The following COL8A1 variants were observed in gnomAD, a reference collection of about 807,000 sequenced individuals.
COL8A1 encodes the protein collagen alpha-1(VIII) chain.
In COL8A1, 21 loss-of-function variants were observed where a neutral mutation model predicts 42.7. The observed-to-expected ratio is 0.49, with a 90% CI of 0.35 to 0.71. The LOEUF is 0.71. COL8A1 is among the 30% of genes least tolerant of loss of function. The probability of loss-of-function intolerance (pLI) is 0.01; values close to 1 mark genes in which losing one functional copy is unlikely to be tolerated. For synonymous variants in COL8A1, 367 were observed against 369.1 expected, an observed-to-expected ratio of 0.99 and a Z score of 0.06; for missense variants, 788 against 962.4, an observed-to-expected ratio of 0.82 and a Z score of 2.40.
chr3:99,654,622 T>C (rs1937953634), intron 1 of COL8A1, among the ~76,000 whole-genome samples: 1 of 152,032 alleles, frequency 6.6e-6, no homozygotes, highest in South Asian at 2.1e-4. Context: ...ACTCCATCTC[T>C]ACAAAATGTA....
intron 2 of COL8A1, among the ~76,000 whole-genome samples, chr3:99,770,672 C>T (rs1390245023): frequency 6.6e-6 from 1 of 152,166 alleles, no homozygotes; most frequent in African/African-American, 2.4e-5. Flanking sequence ...CAGAATCATA[C>T]TCAAAGGACA....
intron 2 of COL8A1, among the ~76,000 whole-genome samples, chr3:99,788,712 G>A (rs1352807892): frequency 6.6e-6 from 1 of 152,068 alleles, no homozygotes; most frequent in Non-Finnish European, 1.5e-5. Context: ...AACTAGACAA[G>A]GAATAAGTAC....
At chr3:99,726,190 T>A (rs1940319524) in intron 1 of COL8A1, among the ~76,000 whole-genome samples, 1 of 152,200 alleles carries the variant, frequency 6.6e-6, no homozygotes. Context: ...TTTTCATGTG[T>A]TTTTTGGCTG....
At chr3:99,777,189 T>G (rs2107443949) in intron 2 of COL8A1, among the ~76,000 whole-genome samples, 1 of 152,286 alleles carries the variant, frequency 6.6e-6, no homozygotes, top group Non-Finnish European at 1.5e-5. Context: ...GTTGCTCTGG[T>G]TTGAATGCCT....
chr3:99,762,035 G>T (rs1941375287), intron 2 of COL8A1, among the ~76,000 whole-genome samples: 1 of 152,044 alleles, frequency 6.6e-6, no homozygotes, highest in East Asian at 1.9e-4. Context: ...TTTTCTCTCT[G>T]CTTTCTTCTG....
At chr3:99,696,198 T>C (rs981423864) in intron 1 of COL8A1, among the ~76,000 whole-genome samples, 1 of 152,218 alleles carries the variant, frequency 6.6e-6, no homozygotes, top group Non-Finnish European at 1.5e-5. Flanking sequence ...AATCGTTTTT[T>C]CATTAAAAAC....
chr3:99,772,714 T>C (rs1381298296), intron 2 of COL8A1, among the ~76,000 whole-genome samples: 1 of 152,110 alleles, frequency 6.6e-6, no homozygotes, highest in Non-Finnish European at 1.5e-5. Context: ...GTGGAGGATC[T>C]CAAGGAGTAA....
Position 99,795,905 on chromosome 3 carries a change from C to G in COL8A1, c.2004C>G (p.His668Gln), listed in dbSNP as rs145251667. The change falls in exon 4 of 4, where the codon CAC becomes CAG. Residue 668 changes from histidine to glutamine, a missense_variant. His to Gln is a conservative substitution (Grantham distance 24, BLOSUM62 0). Coordinates refer to ENST00000652472, the MANE Select transcript of COL8A1 (RefSeq NM_020351.4). ...PGVYYFAYHV[H>Q]CKGGNVWVAL... ...TCTACTACTTTGCATACCACGTTCACTGCAAGGGGGGCAACGTGTGGGTTG... is the reference window on the plus strand; with the variant it reads ...TCTACTACTTTGCATACCACGTTCAGTGCAAGGGGGGCAACGTGTGGGTTG... 49 of 1,614,086 alleles carry G rather than the reference C, an allele frequency of 3.0e-5. No individual in the cohort carries two copies. The South Asian group carries it at 4.2e-4, about 14-fold the overall frequency.
chr3:99,783,858 A>G (rs968467824), intron 2 of COL8A1, among the ~76,000 whole-genome samples: 2 of 152,194 alleles, frequency 1.3e-5, no homozygotes, highest in African/African-American at 4.8e-5. Flanking sequence ...ACCTCTCTCT[A>G]GGTCCCTCCC....
At chr3:99,651,952 A>C (rs1204251764) in intron 1 of COL8A1, among the ~76,000 whole-genome samples, 3 of 152,238 alleles carry the variant, frequency 2.0e-5, no homozygotes, top group African/African-American at 4.8e-5. Flanking sequence ...AACATCAAGA[A>C]ATAATTATGG....
intron 2 of COL8A1, among the ~76,000 whole-genome samples, chr3:99,750,674 C>G (rs1455514890): frequency 2.0e-5 from 3 of 152,026 alleles, no homozygotes; most frequent in Admixed American, 6.5e-5. Flanking sequence ...TTCTTTGATT[C>G]AAGATAAAGC....
Position 99,794,180 on chromosome 3 carries a change from A to G in COL8A1, c.329-50A>G. ...TGATGTGAGAGACAATCTACTAATC[A>G]ATCTCTCTCTCTCCCCCCATACCCC... On this transcript the variant is annotated intron_variant, in intron 3 of 3. Transcript: ENST00000652472. This position sits in a 1 kb window ranked among gnomAD's most constrained non-coding sequence, Gnocchi z 4.3. The G allele has an allele frequency of 8.5e-7, 1 of 1,179,710 alleles. No individual in the cohort carries two copies. The highest frequency in any genetic ancestry group is 1.2e-6 in the Non-Finnish European group (1 of 836,986). The allele number at this position is 1,179,710 out of a possible 1,614,324, so 73.1% of individuals were successfully genotyped here.
chr3:99,669,197 T>C (rs1188043952), intron 1 of COL8A1, among the ~76,000 whole-genome samples: 4 of 127,686 alleles, frequency 3.1e-5, no homozygotes, highest in African/African-American at 9.0e-5. Context: ...AAAGGGATAA[T>C]TGGGGGATAT....
chr3:99,783,680 GAGA>G (rs779385435), intron 2 of COL8A1, among the ~76,000 whole-genome samples: 7 of 152,206 alleles, frequency 4.6e-5, no homozygotes, highest in Admixed American at 1.3e-4. Context: ...ATGATGGAAG[GAGA>G]AGGAGAAGCA....
chr3:99,754,387 G>A (rs1481341738), intron 2 of COL8A1, among the ~76,000 whole-genome samples: 1 of 151,870 alleles, frequency 6.6e-6, no homozygotes, highest in African/African-American at 2.4e-5. Flanking sequence ...TCCACTGAAT[G>A]CGATCACAAG....
intron 1 of COL8A1, among the ~76,000 whole-genome samples, chr3:99,648,647 T>C (rs1477576387): frequency 6.6e-6 from 1 of 152,182 alleles, no homozygotes; most frequent in African/African-American, 2.4e-5. Context: ...GACAAGTTGC[T>C]TGGCACCAAT....
intron 2 of COL8A1, among the ~76,000 whole-genome samples, chr3:99,762,274 T>C (rs1238001419): frequency 6.6e-6 from 1 of 152,118 alleles, no homozygotes; most frequent in Non-Finnish European, 1.5e-5. Flanking sequence ...TGTGGGCTTT[T>C]TAATGTGTAT....
chr3:99,724,415 G>T (rs1940242711), intron 1 of COL8A1, among the ~76,000 whole-genome samples: 1 of 152,054 alleles, frequency 6.6e-6, no homozygotes. Flanking sequence ...ATCCAGTCTT[G>T]CTGGAGTTCT....
At chr3:99,686,997 T>A (rs4928215) in intron 1 of COL8A1, among the ~76,000 whole-genome samples, 1 of 151,956 alleles carries the variant, frequency 6.6e-6, no homozygotes, top group Non-Finnish European at 1.5e-5. Context: ...CATGAGCCAT[T>A]ACACCCAGCC....
Sources: gnomAD v4.1 joint callset for allele counts (sites outside exome capture counted in the v4.1 genomes callset) on GRCh38, gnomAD v4.1.1 for gene constraint, Gnocchi (gnomAD v3.1) non-coding constraint, MANE v1.5 for transcripts, NCBI Gene and HGNC (gene_info 2026-07-23, HGNC 2026-07-21) for gene names.